Variants in SPAG16 observed in about 807,000 individuals in gnomAD.
SPAG16 encodes sperm associated antigen 16.
Under a neutral mutation model 80.4 loss-of-function variants are expected in SPAG16, and 86 were observed. The ratio of observed to expected loss-of-function variants is 1.07; its 90% CI spans 0.90 to 1.28. SPAG16 has a LOEUF of 1.28. Among genes scored for constraint, SPAG16 ranks in the 50% most tolerant of loss-of-function variants. The pLI is 0.00. For missense variants in SPAG16, 870 were observed against 765.3 expected, an observed-to-expected ratio of 1.14 and a Z score of -1.61; for synonymous variants, 294 against 265.9, an observed-to-expected ratio of 1.11 and a Z score of -1.03.
chr2:213,438,868 T>C (rs943956835), intron 9 of SPAG16, among the ~76,000 whole-genome samples: 1 of 152,208 alleles, frequency 6.6e-6, no homozygotes, highest in Non-Finnish European at 1.5e-5. Flanking sequence ...AGAGACTGTC[T>C]CCTAATGGCC....
chr2:214,229,010 T>TA (rs978155480), intron 15 of SPAG16, among the ~76,000 whole-genome samples: 16 of 151,798 alleles, frequency 1.1e-4, no homozygotes, highest in African/African-American at 3.6e-4. Flanking sequence ...TGCAAAGAAT[T>TA]ATGTTACATA....
chr2:213,809,283 CT>C (rs1195621238), intron 10 of SPAG16, among the ~76,000 whole-genome samples: 1 of 152,072 alleles, frequency 6.6e-6, no homozygotes, highest in Non-Finnish European at 1.5e-5. Context: ...TCTGAAAGGT[CT>C]GAGAGATTCT....
In SPAG16 at chr2:213,783,136, G is replaced by A. The variant is rs575122595; in HGVS notation, c.1071-79349G>A. ...TTGTTCAATTCCCACCTATGAGTGA[G>A]AATATGCTGTGTTTGGTTTTTTGTT... is the stretch of plus-strand genomic sequence containing the variant. On this transcript the variant is annotated intron_variant, in intron 10 of 15. Coordinates refer to ENST00000331683, the MANE Select transcript of SPAG16 (RefSeq NM_024532.5). Among the ~76,000 whole-genome samples, 9 of 146,126 alleles carry A rather than the reference G, an allele frequency of 6.2e-5. No individual in the cohort carries two copies. The South Asian group carries it at 1.9e-3, about 31-fold the overall frequency.
rs1385131159 is a variant in SPAG16, at chr2:214,168,639, C to G, written c.1720+19373C>G. On this transcript the variant is annotated intron_variant, in intron 15 of 15. Coordinates refer to ENST00000331683, the MANE Select transcript of SPAG16 (RefSeq NM_024532.5). ...CTCTGAGAAAAAGCAACTTTCCTAA[C>G]TGAGGAAGCAAGTCATGCACAGGTC... 2.6e-5 allele frequency among the ~76,000 whole-genome samples: 4 copies of G among 152,168 alleles called. No homozygotes were observed. In the East Asian group the frequency reaches 7.7e-4, roughly 29 times the overall value.
chr2:213,633,835 A>G (rs1460939216), intron 10 of SPAG16, among the ~76,000 whole-genome samples: 2 of 152,158 alleles, frequency 1.3e-5, no homozygotes, highest in African/African-American at 2.4e-5. Flanking sequence ...TGATAGAAGT[A>G]TCACAGCTGC....
intron 10 of SPAG16, among the ~76,000 whole-genome samples, chr2:213,859,217 C>A (rs2433719): frequency 0.82 from 41,073 of 50,224 alleles, 16,568 homozygotes; most frequent in South Asian, 0.94. Context: ...AAAAAAAAAA[C>A]TCAATGTCCT....
intron 14 of SPAG16, among the ~76,000 whole-genome samples, chr2:214,134,725 C>G (rs2054956679): frequency 6.6e-6 from 1 of 152,184 alleles, no homozygotes; most frequent in South Asian, 2.1e-4. Flanking sequence ...ATAATACCTT[C>G]TTAACTTACT....
chr2:213,850,066 G>A (rs1159756693), intron 10 of SPAG16, among the ~76,000 whole-genome samples: 1 of 152,194 alleles, frequency 6.6e-6, no homozygotes, highest in Admixed American at 6.5e-5. Flanking sequence ...AAATCTGGAA[G>A]TAGTTCACCT....
rs147592907 is a variant in SPAG16, at chr2:213,659,928, A to C, written c.1070+169838A>C. ...TATCATATTCATTAAGGGAATATTC[A>C]TTTTCAACAAACCCACTCTGTGAGT... On this transcript the variant is annotated intron_variant, in intron 10 of 15. Transcript: ENST00000331683. Among the ~76,000 whole-genome samples the C allele has an allele frequency of 3.9e-3, 595 of 152,154 alleles. 19 individuals are homozygous for C. In the East Asian group the frequency reaches 0.041, roughly 11 times the overall value.
At chr2:214,203,227 C>T (rs950155339) in intron 15 of SPAG16, among the ~76,000 whole-genome samples, 3 of 152,032 alleles carry the variant, frequency 2.0e-5, no homozygotes, top group African/African-American at 7.2e-5. Context: ...ATATTACTTT[C>T]AATAATGTGT....
intron 12 of SPAG16, among the ~76,000 whole-genome samples, chr2:214,009,005 A>G (rs954055078): frequency 6.6e-6 from 1 of 152,168 alleles, no homozygotes; most frequent in Non-Finnish European, 1.5e-5. Context: ...TGAGATATGC[A>G]GTAAATTATC....
chr2:214,028,289 T>C (rs1196531440), intron 13 of SPAG16, among the ~76,000 whole-genome samples: 2 of 152,038 alleles, frequency 1.3e-5, no homozygotes, highest in African/African-American at 2.4e-5. Flanking sequence ...GATAGGCTCA[T>C]AGAGTTTGAA....
intron 10 of SPAG16, among the ~76,000 whole-genome samples, chr2:213,804,406 G>A (rs2071611023): frequency 1.3e-5 from 2 of 152,170 alleles, no homozygotes; most frequent in South Asian, 2.1e-4. Context: ...TATAAGGGCC[G>A]GGCACTGTGG....
At chr2:214,195,808 A>T (rs1473421930) in intron 15 of SPAG16, among the ~76,000 whole-genome samples, 1 of 152,026 alleles carries the variant, frequency 6.6e-6, no homozygotes, top group Non-Finnish European at 1.5e-5. Context: ...TAGCTATGGA[A>T]GTCTAGATTC....
intron 13 of SPAG16, among the ~76,000 whole-genome samples, chr2:214,073,251 T>A (rs1162777190): frequency 1.3e-5 from 2 of 151,714 alleles, no homozygotes; most frequent in African/African-American, 4.8e-5. Context: ...TTTTTCTTTT[T>A]TTTTGAGACA....
rs370017657 is a variant in SPAG16, at chr2:214,142,354, G to A, written c.1594-6786G>A. 2.0e-5 allele frequency among the ~76,000 whole-genome samples: 3 copies of A among 151,986 alleles called. No homozygotes were observed. In the South Asian group the frequency reaches 6.2e-4, roughly 32 times the overall value. On this transcript the variant is annotated intron_variant, in intron 14 of 15. Coordinates refer to ENST00000331683, the MANE Select transcript of SPAG16 (RefSeq NM_024532.5). ...GACTCACACTTTAAAATCTTTTTCA[G>A]TCTTTCATAATTTTAATCTATACAG...
chr2:213,930,807 TA>T (rs2078715202), intron 12 of SPAG16, among the ~76,000 whole-genome samples: 1 of 152,162 alleles, frequency 6.6e-6, no homozygotes, highest in African/African-American at 2.4e-5. Context: ...TACAAAGAGG[TA>T]AATTTAGCTA....
intron 10 of SPAG16, among the ~76,000 whole-genome samples, chr2:213,852,588 A>C (rs563157614): frequency 6.6e-6 from 1 of 152,056 alleles, no homozygotes; most frequent in East Asian, 1.9e-4. Context: ...GTCACCTGTG[A>C]CTGAAACCAT....
intron 10 of SPAG16, among the ~76,000 whole-genome samples, chr2:213,575,850 C>T (rs1001534344): frequency 6.6e-6 from 1 of 152,074 alleles, no homozygotes; most frequent in Admixed American, 6.6e-5. Context: ...ACAAATCATT[C>T]TTGCATTGTA....
Sources: gnomAD v4.1 joint callset for allele counts (sites outside exome capture counted in the v4.1 genomes callset) on GRCh38, gnomAD v4.1.1 for gene constraint, MANE v1.5 for transcripts, NCBI Gene and HGNC (gene_info 2026-07-23, HGNC 2026-07-21) for gene names.